Variants in RASSF4 observed in about 807,000 individuals in gnomAD.
RASSF4 encodes the protein Ras association domain family member 4, also known as ras association domain-containing protein 4.
RASSF4 carries 38 observed loss-of-function variants against 41.1 expected under a neutral mutation model. The observed-to-expected ratio is 0.92, with a 90% CI of 0.71 to 1.21. The LOEUF (loss-of-function observed/expected upper bound fraction) is 1.21, where lower values mean the gene tolerates loss of function less well. RASSF4 is among the 50% of genes most tolerant of loss of function. The probability of loss-of-function intolerance (pLI) is 0.00; values close to 1 mark genes in which losing one functional copy is unlikely to be tolerated. For synonymous variants in RASSF4, 179 were observed against 163.4 expected (o/e 1.10, Z -0.73); for missense variants, 414 against 419.4 (o/e 0.99, Z 0.11).
chr10:44,973,609 C>T (rs924883767), intron 3 of RASSF4, among the ~76,000 whole-genome samples: 6 of 152,242 alleles, frequency 3.9e-5, no homozygotes, highest in Non-Finnish European at 7.3e-5. Context: ...TTAGTCTTCC[C>T]GTCCAAGTTT....
At position 44,982,456 on chromosome 10, in the gene RASSF4, C is replaced by T. The variant is rs774566888; in HGVS notation, c.139-65C>T. 6.9e-6 allele frequency: 11 copies of T among 1,591,430 alleles called. No individual in the cohort carries two copies. In the African/African-American group the frequency reaches 1.4e-4, roughly 20 times the overall value. ...GCCTGAGTGTTCAGAGCATCCCATC[C>T]CTAGGGGGCACAGGGAAGGTAGGCA... On this transcript the variant is annotated intron_variant, in intron 3 of 10. Coordinates refer to ENST00000340258, the MANE Select transcript of RASSF4 (RefSeq NM_032023.4).
intron 3 of RASSF4, chr10:44,975,992 C>T (rs1841409849): frequency 6.6e-6 from 1 of 151,936 alleles, no homozygotes; most frequent in Non-Finnish European, 1.5e-5. Context: ...AACCCCTCTG[C>T]CTTGGTGGGT....
At chr10:44,965,476 T>A (rs1840865871) in intron 1 of RASSF4, among the ~76,000 whole-genome samples, 1 of 152,228 alleles carries the variant, frequency 6.6e-6, no homozygotes. Context: ...CATTTAAGAA[T>A]ACGTCAAAGA....
intron 3 of RASSF4, chr10:44,977,204 T>G (rs1420646480): frequency 8.8e-6 from 6 of 684,840 alleles, no homozygotes; most frequent in Admixed American, 3.0e-5. Context: ...TGGTAACATC[T>G]CCTCATGTGA....
chr10:44,990,921 AT>A, intron 8 of RASSF4, 26 bp from the exon 9 acceptor site: 1 of 1,606,742 alleles, frequency 6.2e-7, no homozygotes, highest in Non-Finnish European at 8.5e-7. Flanking sequence ...ATCTCCCGTG[AT>A]TTTTGTAAAC....
intron 1 of RASSF4, among the ~76,000 whole-genome samples, chr10:44,963,435 C>T (rs552095707): frequency 3.3e-5 from 5 of 152,304 alleles, no homozygotes; most frequent in African/African-American, 9.6e-5. Context: ...CATTTGCTGG[C>T]GAACAGGTGC....
chr10:44,970,134 C>T, intron 1 of RASSF4, 31 bp from the exon 2 acceptor site: 5 of 1,390,548 alleles, frequency 3.6e-6, no homozygotes, highest in Non-Finnish European at 4.1e-6. Flanking sequence ...CTCTGGCTCA[C>T]CTGTCTGTCC....
chr10:44,967,164 T>C (rs990939095), intron 1 of RASSF4, among the ~76,000 whole-genome samples: 2 of 152,158 alleles, frequency 1.3e-5, no homozygotes, highest in Non-Finnish European at 2.9e-5. Context: ...TGGCAGACAG[T>C]TCTGGTCCAC....
Position 44,984,041 on chromosome 10 carries a change from AACGGGAACATC to A in RASSF4, c.304_314del (p.Gly102SerfsTer13). 6.2e-7 allele frequency: 1 copy of A among 1,603,550 alleles called. No individual in the cohort carries two copies. The highest frequency in any genetic ancestry group is 8.5e-7 in the Non-Finnish European group (1 of 1,175,306). ...TTTCAGAAAGGAGCCATCGCCCCAG[AACGGGAACATC>A]ACAGCCCAGGGGCCAAGCATTCAGC... On this transcript the variant is annotated frameshift_variant, in exon 5 of 11. Transcript: ENST00000340258. LOFTEE classifies it high-confidence loss of function.
At chr10:44,966,167 T>A (rs1840895758) in intron 1 of RASSF4, among the ~76,000 whole-genome samples, 1 of 151,944 alleles carries the variant, frequency 6.6e-6, no homozygotes, top group African/African-American at 2.4e-5. Flanking sequence ...GATGGGAAAA[T>A]TAAGGCCCAG....
At chr10:44,974,148 A>T (rs1841297365) in intron 3 of RASSF4, among the ~76,000 whole-genome samples, 1 of 152,154 alleles carries the variant, frequency 6.6e-6, no homozygotes, top group Non-Finnish European at 1.5e-5. Flanking sequence ...CCACCCTGTG[A>T]TGCACCCACC....
chr10:44,980,617 C>T (rs1841668249), intron 3 of RASSF4, among the ~76,000 whole-genome samples: 1 of 152,258 alleles, frequency 6.6e-6, no homozygotes, highest in Admixed American at 6.5e-5. Context: ...TCCCCCTTCA[C>T]TCGTCTTCCA....
rs1842130863 is a variant in RASSF4, at chr10:44,991,994, G to A, written c.897G>A (p.Leu299=). 2 of 1,601,098 alleles carry A rather than the reference G, an allele frequency of 1.2e-6. No individual in the cohort carries two copies. The highest frequency in any genetic ancestry group is 1.7e-6 in the Non-Finnish European group (2 of 1,168,430). The part of the protein sequence containing the change: ...KEEEEREIIK[L]TMKFQALRLT... ...AGGAAGAAAGAGAAATAATCAAACT[G>A]ACCATGAAGTAAGCAGCACTTAAAC... is the stretch of plus-strand genomic sequence containing the variant. The change falls in exon 10 of 11, where the codon CTG becomes CTA. Residue 299 remains leucine (L), a synonymous_variant. Transcript: ENST00000340258.
chr10:44,974,635 G>T (rs923205027), intron 3 of RASSF4, among the ~76,000 whole-genome samples: 2 of 151,490 alleles, frequency 1.3e-5, no homozygotes, highest in Non-Finnish European at 2.9e-5. Flanking sequence ...CCCCCGTGTT[G>T]TCACTGCCCC....
At chr10:44,967,896 G>A (rs1406829337) in intron 1 of RASSF4, among the ~76,000 whole-genome samples, 4 of 152,170 alleles carry the variant, frequency 2.6e-5, no homozygotes, top group Non-Finnish European at 5.9e-5. Context: ...ATGGACTGGG[G>A]CTTTTCTGGC....
rs1842043534 is a variant in RASSF4, at chr10:44,989,740, T to C, written c.685+19T>C. The C allele has an allele frequency of 4.3e-6, 7 of 1,612,400 alleles. No individual in the cohort carries two copies. Among genetic ancestry groups the C allele is most frequent in the Non-Finnish European group, 5.9e-6 (7 of 1,178,456 alleles). On this transcript the variant is annotated intron_variant, in intron 8 of 10. Coordinates refer to ENST00000340258, the MANE Select transcript of RASSF4 (RefSeq NM_032023.4). ...TCTGGGGGTAAGTACCTGCCCCACT[T>C]CTGGATCGTAAAAGCAAAAGGTCTC...
At chr10:44,971,574 G>C (rs1564454234) in intron 2 of RASSF4, 199 bp from the exon 3 acceptor site, 2 of 684,942 alleles carry the variant, frequency 2.9e-6, no homozygotes, top group South Asian at 3.0e-5. Context: ...CGACCCCCAT[G>C]CCCCCCACCA....
chr10:44,991,673 T>C (rs1842118147), intron 9 of RASSF4, among the ~76,000 whole-genome samples: 1 of 152,198 alleles, frequency 6.6e-6, no homozygotes, highest in African/African-American at 2.4e-5. Context: ...CTTCCTAATA[T>C]TCAGTTTAAT....
intron 3 of RASSF4, chr10:44,982,057 G>A (rs1841728180): frequency 4.7e-6 from 1 of 211,166 alleles, no homozygotes; most frequent in Non-Finnish European, 9.6e-6. Context: ...GACACAGCTA[G>A]GACAGAGAGT....
Sources: allele counts gnomAD v4.1 joint callset (sites outside exome capture counted in the v4.1 genomes callset), GRCh38; gene constraint gnomAD v4.1.1; transcripts MANE v1.5; gene names NCBI Gene and HGNC (gene_info 2026-07-23, HGNC 2026-07-21).